The following SLC24A2 variants were observed in gnomAD, a reference collection of about 807,000 sequenced individuals.
SLC24A2 encodes the protein sodium/potassium/calcium exchanger 2.
SLC24A2 carries 36 observed loss-of-function variants against 62.0 expected under a neutral mutation model. That is an observed-to-expected ratio of 0.58 (90% CI 0.44 to 0.77). The LOEUF (loss-of-function observed/expected upper bound fraction) is 0.77. Ranked by LOEUF, SLC24A2 falls within the 30% of genes least tolerant of loss-of-function variation. The pLI is 0.00. For synonymous variants in SLC24A2, 358 were observed against 294.0 expected (o/e 1.22, Z -2.23); for missense variants, 846 against 817.9 (o/e 1.03, Z -0.42).
In SLC24A2 at chr9:19,699,483, A is replaced by G. The variant is rs953468048; in HGVS notation, c.931-77184T>C. 2.6e-5 allele frequency among the ~76,000 whole-genome samples: 4 copies of G among 152,198 alleles called. No homozygotes were observed. In the East Asian group the frequency reaches 7.7e-4, roughly 29 times the overall value. Reference sequence around the variant, plus strand: ...CAGTAAGTGAATAATGTTTCACTAAATTACGGTTACATTCATGCAATATTA... The same window carrying G: ...CAGTAAGTGAATAATGTTTCACTAAGTTACGGTTACATTCATGCAATATTA... On this transcript the variant is annotated intron_variant, in intron 2 of 10. Coordinates refer to ENST00000341998, the MANE Select transcript of SLC24A2 (RefSeq NM_020344.4).
the SLC24A2 span, among the ~76,000 whole-genome samples, chr9:20,230,849 G>C: frequency 6.6e-6 from 1 of 152,154 alleles, no homozygotes; most frequent in Non-Finnish European, 1.5e-5. Context: ...TTTTCTTCTA[G>C]GGTTTTTATG....
At chr9:20,294,054 C>T in the SLC24A2 span, among the ~76,000 whole-genome samples, 2 of 152,116 alleles carry the variant, frequency 1.3e-5, no homozygotes, top group African/African-American at 2.4e-5. Context: ...ATGACCTCCA[C>T]TGCGCCATCT....
At chr9:20,302,510 T>G in the SLC24A2 span, among the ~76,000 whole-genome samples, 1 of 152,256 alleles carries the variant, frequency 6.6e-6, no homozygotes, top group Non-Finnish European at 1.5e-5. Context: ...ATATGCTTAT[T>G]TGCCATCTGT....
At chr9:19,875,798 G>T in the SLC24A2 span, among the ~76,000 whole-genome samples, 67 of 152,266 alleles carry the variant, frequency 4.4e-4, no homozygotes, top group South Asian at 1.7e-3. Context: ...AATATGAGAA[G>T]AATCTGGGGC....
chr9:19,937,763 C>T, the SLC24A2 span, among the ~76,000 whole-genome samples: 2 of 152,162 alleles, frequency 1.3e-5, no homozygotes, highest in Non-Finnish European at 2.9e-5. Flanking sequence ...ATACACATTT[C>T]CTGTGCTTCT....
At chr9:19,551,197 G>T (rs914895067) in intron 7 of SLC24A2, among the ~76,000 whole-genome samples, 1 of 152,200 alleles carries the variant, frequency 6.6e-6, no homozygotes, top group Non-Finnish European at 1.5e-5. Flanking sequence ...CTAAACCATT[G>T]TACTTGCAGC....
At chr9:19,830,970 A>C in the SLC24A2 span, among the ~76,000 whole-genome samples, 1 of 152,150 alleles carries the variant, frequency 6.6e-6, no homozygotes, top group African/African-American at 2.4e-5. Flanking sequence ...TGCTTCCAAG[A>C]GGGTGCAGTG....
At chr9:20,233,670 A>G in the SLC24A2 span, among the ~76,000 whole-genome samples, 2 of 152,242 alleles carry the variant, frequency 1.3e-5, no homozygotes, top group East Asian at 1.9e-4. Flanking sequence ...CGGGTCTTGA[A>G]TCTTTATCCA....
chr9:20,038,021 A>T, the SLC24A2 span, among the ~76,000 whole-genome samples: 1 of 152,214 alleles, frequency 6.6e-6, no homozygotes, highest in Non-Finnish European at 1.5e-5. Context: ...GGAGAAAATG[A>T]GCTTATTCTC....
the SLC24A2 span, among the ~76,000 whole-genome samples, chr9:20,096,073 ATCCATCCATCCATCCG>A: frequency 7.3e-6 from 1 of 136,534 alleles, no homozygotes; most frequent in African/African-American, 3.1e-5. Flanking sequence ...ATCTGTATCC[ATCCATCCATCCATCCG>A]TCCGTCCGTC....
chr9:19,941,807 T>TTCCA, the SLC24A2 span, among the ~76,000 whole-genome samples: 1 of 152,298 alleles, frequency 6.6e-6, no homozygotes, highest in South Asian at 2.1e-4. Context: ...ACCGTTCTGT[T>TTCCA]TCCATTCCAT....
the SLC24A2 span, among the ~76,000 whole-genome samples, chr9:20,114,757 G>C: frequency 5.9e-5 from 9 of 152,272 alleles, no homozygotes; most frequent in Non-Finnish European, 5.9e-5. Flanking sequence ...CTAGTGCTCA[G>C]TCACTATTTG....
At chr9:19,948,538 T>G in the SLC24A2 span, among the ~76,000 whole-genome samples, 40,665 of 152,018 alleles carry the variant, frequency 0.27, 5,942 homozygotes, top group South Asian at 0.4. Context: ...TGGTAGAGAT[T>G]GAAGAATAGA....
Position 19,563,765 on chromosome 9 carries a change from T to TTC in SLC24A2, c.1347+9585_1347+9586insGA, listed in dbSNP as rs1248938100. 1.1e-3 allele frequency among the ~76,000 whole-genome samples: 58 copies of TTC among 51,700 alleles called. 9 individuals are homozygous for TTC. The highest frequency in any genetic ancestry group is 2.1e-3 in the East Asian group (2 of 946). The allele number at this position is 51,700 out of a possible 152,430, so 33.9% of individuals were successfully genotyped here. ...TTATAATGACCCTTCCTTCCTTTCA[T>TTC]CTGTAACAAAACTGTTGGTTTTTAT... On this transcript the variant is annotated intron_variant, in intron 7 of 10. Coordinates refer to ENST00000341998, the MANE Select transcript of SLC24A2 (RefSeq NM_020344.4).
the SLC24A2 span, among the ~76,000 whole-genome samples, chr9:20,216,950 AG>A: frequency 6.6e-6 from 1 of 152,120 alleles, no homozygotes; most frequent in Non-Finnish European, 1.5e-5. Context: ...GGGAATTTGG[AG>A]AAGGTTTGTC....
chr9:20,032,259 C>G, the SLC24A2 span, among the ~76,000 whole-genome samples: 6 of 152,310 alleles, frequency 3.9e-5, 1 homozygote, highest in South Asian at 1.2e-3. Context: ...CTCTCTGTTA[C>G]AATGATTGCA....
chr9:19,959,095 C>T, the SLC24A2 span, among the ~76,000 whole-genome samples: 2 of 152,124 alleles, frequency 1.3e-5, no homozygotes, highest in East Asian at 3.9e-4. Flanking sequence ...CCATCTCTCA[C>T]TGTAAATGTG....
chr9:19,803,176 T>C, the SLC24A2 span, among the ~76,000 whole-genome samples: 1 of 152,218 alleles, frequency 6.6e-6, no homozygotes, highest in Non-Finnish European at 1.5e-5. Context: ...CATTGTGATA[T>C]ATATGTGTAG....
chr9:20,252,722 A>AGTT, the SLC24A2 span, among the ~76,000 whole-genome samples: 64 of 152,258 alleles, frequency 4.2e-4, no homozygotes, highest in African/African-American at 1.3e-3. Context: ...ACCAATTGGC[A>AGTT]GTTGTTGTTG....
Sources: gnomAD v4.1 joint callset for allele counts (sites outside exome capture counted in the v4.1 genomes callset) on GRCh38, gnomAD v4.1.1 for gene constraint, MANE v1.5 for transcripts, NCBI Gene and HGNC (gene_info 2026-07-23, HGNC 2026-07-21) for gene names.